DOCK4: variants seen among roughly 807,000 people sequenced by gnomAD.
The protein encoded by DOCK4 is dedicator of cytokinesis protein 4.
A neutral mutation model predicts 268.1 loss-of-function variants in DOCK4; 97 were observed. The observed-to-expected ratio is 0.36, with a 90% CI of 0.31 to 0.43. The LOEUF is 0.43. Among genes scored for constraint, DOCK4 ranks in the 20% least tolerant of loss-of-function variants. The pLI is 1.00. For synonymous variants in DOCK4, 954 were observed against 887.2 expected (o/e 1.08, Z -1.34); for missense variants, 2,145 against 2,455.7 (o/e 0.87, Z 2.67).
intron 1 of DOCK4, among the ~76,000 whole-genome samples, chr7:112,113,612 T>C (rs1811858102): frequency 6.6e-6 from 1 of 151,988 alleles, no homozygotes; most frequent in Admixed American, 6.6e-5. Context: ...CTTGCTCTAT[T>C]GCCCAGGCTG....
At chr7:111,921,470 C>T (rs570141864) in intron 12 of DOCK4, among the ~76,000 whole-genome samples, 1 of 152,266 alleles carries the variant, frequency 6.6e-6, no homozygotes, top group South Asian at 2.1e-4. Context: ...TAAGTAGCAG[C>T]TGAAATTTTA....
At chr7:111,862,022 C>T (rs942503862) in intron 23 of DOCK4, among the ~76,000 whole-genome samples, 37 of 151,956 alleles carry the variant, frequency 2.4e-4, no homozygotes, top group African/African-American at 5.3e-4. Context: ...AAAGCAAGGC[C>T]GGGTGCGGTG....
intron 1 of DOCK4, among the ~76,000 whole-genome samples, chr7:112,024,625 G>A (rs149932209): frequency 7.2e-5 from 11 of 152,176 alleles, no homozygotes; most frequent in South Asian, 6.2e-4. Flanking sequence ...TACCATCATG[G>A]GTAGCCTGGA....
At chr7:111,839,702 C>A (rs1220275927) in intron 25 of DOCK4, among the ~76,000 whole-genome samples, 1 of 152,172 alleles carries the variant, frequency 6.6e-6, no homozygotes, top group Non-Finnish European at 1.5e-5. Context: ...TTCACTTATG[C>A]TGTTTAGGAA....
chr7:111,933,674 C>T (rs1160839950), intron 12 of DOCK4, among the ~76,000 whole-genome samples: 1 of 152,006 alleles, frequency 6.6e-6, no homozygotes, highest in South Asian at 2.1e-4. Flanking sequence ...TCTCCTGTCT[C>T]GTGTGAGTCT....
chr7:112,202,765 A>T (rs1031695991), intron 1 of DOCK4, among the ~76,000 whole-genome samples: 20 of 144,170 alleles, frequency 1.4e-4, no homozygotes, highest in African/African-American at 3.8e-4. Flanking sequence ...TCTCTAAATT[A>T]AAAAAAAAAA....
At chr7:111,733,088 C>A (rs1321007689) in intron 51 of DOCK4, among the ~76,000 whole-genome samples, 1 of 152,208 alleles carries the variant, frequency 6.6e-6, no homozygotes, top group African/African-American at 2.4e-5. Flanking sequence ...GAGTCAGCCA[C>A]ATTTCTCAAT....
intron 42 of DOCK4, among the ~76,000 whole-genome samples, chr7:111,753,159 C>A (rs1796804462): frequency 6.6e-6 from 1 of 152,052 alleles, no homozygotes; most frequent in Admixed American, 6.6e-5. Context: ...GGATCTAGGG[C>A]AGGTTCCTTT....
chr7:111,729,467 A>C (rs766860091), intron 52 of DOCK4, among the ~76,000 whole-genome samples: 1 of 152,098 alleles, frequency 6.6e-6, no homozygotes, highest in Non-Finnish European at 1.5e-5. Flanking sequence ...GGATCACCTG[A>C]ACCTTGGGAG....
intron 2 of DOCK4, among the ~76,000 whole-genome samples, chr7:112,001,615 A>G (rs200172530): frequency 9.1e-6 from 1 of 109,758 alleles, no homozygotes. Flanking sequence ...TAATAAGGAA[A>G]GAAAAAAAAA....
chr7:112,041,378 C>A (rs1208743006), intron 1 of DOCK4, among the ~76,000 whole-genome samples: 9 of 152,120 alleles, frequency 5.9e-5, no homozygotes. Context: ...AAATCACAAC[C>A]TTTAACAGAT....
rs796444724 is a variant in DOCK4 at position 111,870,323 on chromosome 7, CTTTTTTTT to C, written c.2028-676_2028-669del. ...GGTTTCTCTTTTTTCTTTTTCTTTT[CTTTTTTTT>C]TTTTTTTTTTGAGACAGAGTCTTGC... On this transcript the variant is annotated intron_variant, in intron 20 of 52. Coordinates refer to ENST00000428084, the MANE Select transcript of DOCK4 (RefSeq NM_001363540.2). 2.3e-3 allele frequency among the ~76,000 whole-genome samples: 303 copies of C among 131,340 alleles called. 2 individuals are homozygous for C. Among genetic ancestry groups the C allele is most frequent in the African/African-American group, 8.3e-3 (289 of 34,750 alleles). 86.2% of individuals were successfully genotyped at this position (131,340 alleles called of 152,430 possible). A position where few individuals can be genotyped will look rare whatever the true frequency, so the allele number is the denominator to read the frequency against.
At chr7:112,172,387 G>C (rs1818163856) in intron 1 of DOCK4, among the ~76,000 whole-genome samples, 1 of 152,176 alleles carries the variant, frequency 6.6e-6, no homozygotes, top group Non-Finnish European at 1.5e-5. Flanking sequence ...CTCCCTATGA[G>C]AAAGGAATTT....
intron 34 of DOCK4, 72 bp from the exon 35 acceptor site, chr7:111,782,996 G>T: frequency 7.6e-7 from 1 of 1,317,716 alleles, no homozygotes; most frequent in South Asian, 1.4e-5. Flanking sequence ...TTCTTTTTGG[G>T]GGAAAAAAAG....
rs1346419760 is a variant in DOCK4, at chr7:111,984,297, T to C, written c.549+9A>G. On this transcript the variant is annotated intron_variant, in intron 7 of 52. Transcript: ENST00000428084. Reference sequence around the variant, plus strand: ...AGGAAGACTGGAAGCCAAGATTTCCTGTACCTACCAATCGGTAGAGCTCAG... The same window carrying C: ...AGGAAGACTGGAAGCCAAGATTTCCCGTACCTACCAATCGGTAGAGCTCAG... 6 of 1,607,544 alleles carry C rather than the reference T, an allele frequency of 3.7e-6. No homozygotes were observed. Among genetic ancestry groups the C allele is most frequent in the African/African-American group, 1.3e-5 (1 of 74,732 alleles).
At chr7:112,162,969 G>A (rs376513460) in intron 1 of DOCK4, among the ~76,000 whole-genome samples, 3 of 152,222 alleles carry the variant, frequency 2.0e-5, no homozygotes, top group African/African-American at 4.8e-5. Context: ...TGTATGCAAC[G>A]TAACACTGCC....
At chr7:111,996,883 A>C (rs1444705678) in intron 4 of DOCK4, among the ~76,000 whole-genome samples, 1 of 152,200 alleles carries the variant, frequency 6.6e-6, no homozygotes, top group African/African-American at 2.4e-5. Flanking sequence ...AAGTGGAGAG[A>C]TGCTTGACAT....
chr7:112,052,686 C>A (rs906097403), intron 1 of DOCK4, among the ~76,000 whole-genome samples: 1 of 152,074 alleles, frequency 6.6e-6, no homozygotes, highest in African/African-American at 2.4e-5. Flanking sequence ...ACTCACCCAC[C>A]CGCAATAATG....
At chr7:111,763,481 C>G (rs1038799349) in intron 39 of DOCK4, among the ~76,000 whole-genome samples, 1 of 152,222 alleles carries the variant, frequency 6.6e-6, no homozygotes, top group Non-Finnish European at 1.5e-5. Flanking sequence ...TTCTAATTGA[C>G]TTTTTAACAA....
Sources: allele counts gnomAD v4.1 joint callset (sites outside exome capture counted in the v4.1 genomes callset), GRCh38; gene constraint gnomAD v4.1.1; transcripts MANE v1.5; gene names NCBI Gene and HGNC (gene_info 2026-07-23, HGNC 2026-07-21).